The following ULK4 variants were observed in gnomAD, a reference collection of about 807,000 sequenced individuals.
ULK4 encodes unc-51 like kinase 4.
ULK4 carries 133 observed loss-of-function variants against 160.6 expected under a neutral mutation model. That is an observed-to-expected ratio of 0.83 (90% CI 0.72 to 0.96). ULK4 has a LOEUF of 0.96. Among genes scored for constraint, ULK4 ranks in the 40% least tolerant of loss-of-function variants. ULK4 has a pLI of 0.00. For missense variants in ULK4, 1,580 were observed against 1,499.5 expected (o/e 1.05, Z -0.89); for synonymous variants, 534 against 539.8 (o/e 0.99, Z 0.15).
Position 41,757,904 on chromosome 3 carries a change from G to A in ULK4, c.2194-3416C>T, listed in dbSNP as rs560810046. ...GGCCTCCCAAAGTGCTGGGATCACA[G>A]GCGTGAGCCACCATGCCTGGCCGAA... On this transcript the variant is annotated intron_variant, in intron 21 of 36. Coordinates refer to ENST00000301831, the MANE Select transcript of ULK4 (RefSeq NM_017886.4). 1.2e-3 allele frequency among the ~76,000 whole-genome samples: 189 copies of A among 152,202 alleles called. 1 individual carries two copies. The highest frequency in any genetic ancestry group is 4.3e-3 in the African/African-American group (178 of 41,558).
chr3:41,403,837 T>C (rs920488775), intron 34 of ULK4, among the ~76,000 whole-genome samples: 1 of 152,194 alleles, frequency 6.6e-6, no homozygotes, highest in Admixed American at 6.5e-5. Flanking sequence ...CCTGTGTGAC[T>C]TCCTCTTGGA....
chr3:41,343,683 G>T (rs148977847), intron 35 of ULK4, among the ~76,000 whole-genome samples: 1,816 of 152,150 alleles, frequency 0.012, 42 homozygotes, highest in African/African-American at 0.041. Context: ...TGCAAAAATC[G>T]CTAGTATTCC....
At chr3:41,285,064 G>A (rs988633547) in intron 35 of ULK4, among the ~76,000 whole-genome samples, 9 of 152,156 alleles carry the variant, frequency 5.9e-5, no homozygotes, top group Non-Finnish European at 1.0e-4. Flanking sequence ...CTGCAAGAAT[G>A]GCCATAATCA....
intron 35 of ULK4, among the ~76,000 whole-genome samples, chr3:41,307,878 T>C (rs1388287790): frequency 6.6e-6 from 1 of 152,058 alleles, no homozygotes; most frequent in East Asian, 1.9e-4. Flanking sequence ...GGTAAGGAAA[T>C]AGGAAAATCC....
At chr3:41,650,196 AT>A (rs2034683183) in intron 30 of ULK4, among the ~76,000 whole-genome samples, 1 of 152,174 alleles carries the variant, frequency 6.6e-6, no homozygotes, top group Admixed American at 6.5e-5. Flanking sequence ...GTCTTGCTCA[AT>A]ATACAGTTGT....
chr3:41,558,745 G>A (rs1297075102), intron 32 of ULK4, among the ~76,000 whole-genome samples: 2 of 151,082 alleles, frequency 1.3e-5, no homozygotes, highest in Non-Finnish European at 3.0e-5. Context: ...AAAAGAAATA[G>A]AACTCTAAAT....
intron 35 of ULK4, among the ~76,000 whole-genome samples, chr3:41,273,149 T>C (rs1017058958): frequency 2.6e-5 from 4 of 152,246 alleles, no homozygotes; most frequent in Admixed American, 2.0e-4. Flanking sequence ...CTTGATATTT[T>C]TGTATTCCTA....
chr3:41,879,888 G>A lies in ULK4; in HGVS notation c.1656+3986C>T, dbSNP rs141668199. On this transcript the variant is annotated intron_variant, in intron 17 of 36. Coordinates refer to ENST00000301831, the MANE Select transcript of ULK4 (RefSeq NM_017886.4). ...TCCCAGCACTTTGGGAGGCTGAGGC[G>A]GATGGATTATTTGAGGTCAAGAGTT... Among the ~76,000 whole-genome samples, 893 of 152,050 alleles carry A rather than the reference G, an allele frequency of 5.9e-3. 7 individuals carry two copies. Among genetic ancestry groups the A allele is most frequent in the African/African-American group, 0.02 (836 of 41,468 alleles).
intron 2 of ULK4, among the ~76,000 whole-genome samples, chr3:41,947,051 G>T (rs1308847086): frequency 2.0e-5 from 3 of 152,186 alleles, no homozygotes; most frequent in Non-Finnish European, 2.9e-5. Context: ...AAGAGGGCTG[G>T]GCGCAGTGGC....
intron 32 of ULK4, among the ~76,000 whole-genome samples, chr3:41,464,284 A>G (rs2083769967): frequency 6.6e-6 from 1 of 152,170 alleles, no homozygotes; most frequent in African/African-American, 2.4e-5. Flanking sequence ...CAGATTACAA[A>G]AGTGAACTAA....
At chr3:41,772,361 G>C (rs2039422054) in intron 21 of ULK4, among the ~76,000 whole-genome samples, 2 of 151,920 alleles carry the variant, frequency 1.3e-5, no homozygotes. Context: ...GAATCAAATA[G>C]ATGCAATAAA....
chr3:41,495,825 A>G (rs1337070659), intron 32 of ULK4, among the ~76,000 whole-genome samples: 3 of 152,036 alleles, frequency 2.0e-5, no homozygotes. Flanking sequence ...GACACATGAA[A>G]AAATGCTCAT....
intron 19 of ULK4, among the ~76,000 whole-genome samples, chr3:41,809,751 C>T (rs1652727903): frequency 6.6e-6 from 1 of 152,086 alleles, no homozygotes; most frequent in African/African-American, 2.4e-5. Flanking sequence ...TCAATATATG[C>T]AGTGTTTTGC....
intron 30 of ULK4, among the ~76,000 whole-genome samples, chr3:41,645,068 T>C (rs1403821453): frequency 2.0e-5 from 3 of 151,404 alleles, no homozygotes; most frequent in Admixed American, 2.0e-4. Context: ...ATTGCATCTA[T>C]TTGATTCTTC....
chr3:41,750,926 A>T (rs1485513546), intron 22 of ULK4, among the ~76,000 whole-genome samples: 1 of 149,196 alleles, frequency 6.7e-6, no homozygotes, highest in Non-Finnish European at 1.5e-5. Flanking sequence ...GGAGGCGGAG[A>T]TTGCAGTGAG....
At chr3:41,339,891 C>T (rs1403844845) in intron 35 of ULK4, among the ~76,000 whole-genome samples, 2 of 152,120 alleles carry the variant, frequency 1.3e-5, no homozygotes, top group Non-Finnish European at 2.9e-5. Context: ...TTTTTCTCAA[C>T]AGTGATTGAT....
At position 41,483,166 on chromosome 3, in the gene ULK4, C is replaced by T. The variant is rs576694899; in HGVS notation, c.3227-19913G>A. Among the ~76,000 whole-genome samples the T allele has an allele frequency of 2.0e-5, 3 of 152,292 alleles. No homozygotes were observed. In the South Asian group the frequency reaches 6.2e-4, roughly 32 times the overall value. The stretch of plus-strand genomic sequence containing the variant: ...ATCCCCACTTTAGTCCTACCTCCCA[C>T]TACCCTTCCCAGTCTCTGGGAATAA... On this transcript the variant is annotated intron_variant, in intron 32 of 36. Transcript: ENST00000301831.
At chr3:41,827,454 T>A (rs894764442) in intron 18 of ULK4, among the ~76,000 whole-genome samples, 2 of 151,844 alleles carry the variant, frequency 1.3e-5, no homozygotes, top group Admixed American at 6.6e-5. Flanking sequence ...CAATAAAAAA[T>A]GACAAAGGGG....
intron 29 of ULK4, among the ~76,000 whole-genome samples, chr3:41,669,816 T>C (rs1002912404): frequency 6.6e-6 from 1 of 150,984 alleles, no homozygotes; most frequent in African/African-American, 2.5e-5. Flanking sequence ...GTAGATATAG[T>C]CACAGACATA....
Sources: allele counts gnomAD v4.1 joint callset (sites outside exome capture counted in the v4.1 genomes callset), GRCh38; gene constraint gnomAD v4.1.1; transcripts MANE v1.5; gene names NCBI Gene and HGNC (gene_info 2026-07-23, HGNC 2026-07-21).